RTL4: variants seen among roughly 807,000 people sequenced by gnomAD.
RTL4 encodes retrotransposon Gag-like protein 4.
A neutral mutation model predicts 5.3 loss-of-function variants in RTL4; 4 were observed. The observed-to-expected ratio is 0.75, with a 90% confidence interval of 0.37 to 1.72. The LOEUF (loss-of-function observed/expected upper bound fraction) is 1.72, where lower values mean the gene tolerates loss of function less well. Among genes scored for constraint, RTL4 ranks in the 40% most tolerant of loss-of-function variants. The probability of loss-of-function intolerance (pLI) is 0.04; values close to 1 mark genes in which losing one functional copy is unlikely to be tolerated. For synonymous variants in RTL4, 98 were observed against 87.3 expected (o/e 1.12, Z -0.68); for missense variants, 260 against 227.1 (o/e 1.14, Z -0.93).
the RTL4 span, among the ~76,000 whole-genome samples, chrX:112,162,369 C>T: frequency 9.0e-6 from 1 of 111,543 alleles, no homozygotes; most frequent in African/African-American, 3.3e-5. Flanking sequence ...TGGTACATTA[C>T]TTTCTGGTAT....
chrX:112,449,747 G>A (rs765594885), upstream of RTL4, among the ~76,000 whole-genome samples: 88 of 112,031 alleles, frequency 7.9e-4, no homozygotes, highest in Middle Eastern at 4.6e-3. Flanking sequence ...TCATCTGGAG[G>A]GATGATTGAT....
the RTL4 span, among the ~76,000 whole-genome samples, chrX:112,108,280 T>C: frequency 1.8e-5 from 2 of 112,451 alleles, no homozygotes; most frequent in African/African-American, 6.5e-5. Flanking sequence ...TATTTTGAAT[T>C]CTTTGTGTAG....
At chrX:112,275,861 G>T in the RTL4 span, among the ~76,000 whole-genome samples, 1 of 111,742 alleles carries the variant, frequency 8.9e-6, no homozygotes, top group African/African-American at 3.3e-5. Context: ...CTTGAGTCCA[G>T]GAGTTCAAGG....
chrX:112,408,377 T>A, the RTL4 span, among the ~76,000 whole-genome samples: 56,814 of 107,385 alleles, frequency 0.53, 13,600 homozygotes, highest in Non-Finnish European at 0.71. Context: ...GAATAATGCA[T>A]TAGAGTCTAT....
At chrX:112,364,404 T>C in the RTL4 span, among the ~76,000 whole-genome samples, 1 of 111,908 alleles carries the variant, frequency 8.9e-6, no homozygotes, top group Non-Finnish European at 1.9e-5. Flanking sequence ...GCTTCAGTAA[T>C]TGACTATTTA....
the RTL4 span, among the ~76,000 whole-genome samples, chrX:112,199,734 G>T: frequency 1.8e-5 from 2 of 111,486 alleles, no homozygotes; most frequent in East Asian, 2.8e-4. Flanking sequence ...CCTAGAAGGG[G>T]CCCGCAAGCT....
At chrX:112,181,044 G>A in the RTL4 span, among the ~76,000 whole-genome samples, 5 of 111,509 alleles carry the variant, frequency 4.5e-5, no homozygotes, top group East Asian at 2.8e-4. Flanking sequence ...CAGAAGCAGG[G>A]TGGGGCGTTG....
the RTL4 span, among the ~76,000 whole-genome samples, chrX:112,097,412 G>A: frequency 9.0e-6 from 1 of 111,046 alleles, no homozygotes; most frequent in South Asian, 3.9e-4. Context: ...GAGATGAGAG[G>A]ATCACTTTAG....
the RTL4 span, among the ~76,000 whole-genome samples, chrX:112,367,314 TAACTAAAA>T: frequency 3.6e-5 from 4 of 111,578 alleles, no homozygotes; most frequent in Non-Finnish European, 3.8e-5. Context: ...TTGAAACTGA[TAACTAAAA>T]AGAACCAAGA....
the RTL4 span, among the ~76,000 whole-genome samples, chrX:112,251,150 T>A: frequency 8.9e-6 from 1 of 112,369 alleles, no homozygotes; most frequent in Non-Finnish European, 1.9e-5. Context: ...AAAAATGAAG[T>A]ATTTTAGGAG....
chrX:112,099,335 T>C, the RTL4 span, among the ~76,000 whole-genome samples: 5 of 111,309 alleles, frequency 4.5e-5, no homozygotes, highest in Non-Finnish European at 9.4e-5. Flanking sequence ...GTGGGCAGCA[T>C]AGTGAGAGTC....
the RTL4 span, among the ~76,000 whole-genome samples, chrX:112,315,758 T>G: frequency 1.8e-5 from 2 of 111,970 alleles, no homozygotes; most frequent in Non-Finnish European, 3.8e-5. Context: ...CCATGCTCTT[T>G]GTATACATCT....
the RTL4 span, among the ~76,000 whole-genome samples, chrX:112,244,580 A>G: frequency 1.8e-5 from 2 of 111,415 alleles, no homozygotes; most frequent in African/African-American, 6.5e-5. Context: ...TTTTGAGCCT[A>G]TGTGTGCTTC....
chrX:112,330,789 G>A, the RTL4 span, among the ~76,000 whole-genome samples: 1 of 111,200 alleles, frequency 9.0e-6, no homozygotes, highest in Non-Finnish European at 1.9e-5. Context: ...AAACAGCATG[G>A]TACTGGTACC....
chrX:112,330,590 T>C, the RTL4 span, among the ~76,000 whole-genome samples: 4 of 110,556 alleles, frequency 3.6e-5, no homozygotes, highest in South Asian at 1.5e-3. Context: ...CCCAAGGTAA[T>C]TTACAGATTC....
the RTL4 span, among the ~76,000 whole-genome samples, chrX:112,431,210 A>G: frequency 1.8e-5 from 2 of 110,670 alleles, no homozygotes; most frequent in Non-Finnish European, 3.8e-5. Flanking sequence ...CCTTTCATCC[A>G]GGAAGATTAG....
chrX:112,145,233 G>T, the RTL4 span, among the ~76,000 whole-genome samples: 1 of 111,454 alleles, frequency 9.0e-6, no homozygotes. Flanking sequence ...GATCATGATG[G>T]ATCCTTCTTA....
chrX:112,432,638 G>T, the RTL4 span, among the ~76,000 whole-genome samples: 1 of 93,259 alleles, frequency 1.1e-5, no homozygotes, highest in East Asian at 3.3e-4. Flanking sequence ...TTAGCCCTTT[G>T]TCAGATGAGT....
the RTL4 span, among the ~76,000 whole-genome samples, chrX:112,171,531 G>C: frequency 9.0e-6 from 1 of 111,468 alleles, no homozygotes; most frequent in South Asian, 3.8e-4. Flanking sequence ...AGATTTTCTA[G>C]TTTATATGCA....
Sources: gnomAD v4.1 joint callset for allele counts (sites outside exome capture counted in the v4.1 genomes callset) on GRCh38, gnomAD v4.1.1 for gene constraint, MANE v1.5 for transcripts, NCBI Gene and HGNC (gene_info 2026-07-23, HGNC 2026-07-21) for gene names.